The following ARFIP1 variants were observed in gnomAD, a reference collection of about 807,000 sequenced individuals.
The protein encoded by ARFIP1 is ARF interacting protein 1.
Under a neutral mutation model 42.5 loss-of-function variants are expected in ARFIP1, and 24 were observed. The ratio of observed to expected loss-of-function variants is 0.57; its 90% CI spans 0.41 to 0.80. ARFIP1 has a LOEUF of 0.80. Ranked by LOEUF, ARFIP1 falls within the 30% of genes least tolerant of loss-of-function variation. ARFIP1 has a pLI of 0.00. For synonymous variants in ARFIP1, 141 were observed against 153.7 expected, an observed-to-expected ratio of 0.92 and a Z score of 0.61; for missense variants, 354 against 434.0, an observed-to-expected ratio of 0.82 and a Z score of 1.64.
chr4:152,833,650 A>G (rs937361251), intron 2 of ARFIP1, among the ~76,000 whole-genome samples: 1 of 152,230 alleles, frequency 6.6e-6, no homozygotes, highest in African/African-American at 2.4e-5. Flanking sequence ...AAGAAAATAT[A>G]TACATACACA....
chr4:152,841,140 A>C lies in ARFIP1; in HGVS notation c.93+11414A>C, dbSNP rs138868976. 5.6e-3 allele frequency among the ~76,000 whole-genome samples: 846 copies of C among 151,416 alleles called. 6 individuals carry two copies. The highest frequency in any genetic ancestry group is 0.02 in the African/African-American group (813 of 41,248). ...AACCTCCACCTCCCGGGTTCAAGTGATTCTTCTGCCTCAGCCTCCCGAGTA... is the reference window on the plus strand; with the variant it reads ...AACCTCCACCTCCCGGGTTCAAGTGCTTCTTCTGCCTCAGCCTCCCGAGTA... On this transcript the variant is annotated intron_variant, in intron 2 of 8. Coordinates refer to ENST00000353617, the MANE Select transcript of ARFIP1 (RefSeq NM_001025595.3).
chr4:152,802,415 T>TA (rs1394787407), intron 1 of ARFIP1, among the ~76,000 whole-genome samples: 1 of 152,176 alleles, frequency 6.6e-6, no homozygotes, highest in African/African-American at 2.4e-5. Context: ...AGGAAGAAAA[T>TA]ATAACTACTT....
At chr4:152,815,675 C>T (rs921629336) in intron 1 of ARFIP1, among the ~76,000 whole-genome samples, 1 of 151,796 alleles carries the variant, frequency 6.6e-6, no homozygotes, top group Admixed American at 6.6e-5. Flanking sequence ...CCTTATCTCA[C>T]ATCTGTCTGT....
At chr4:152,838,340 T>C (rs183024548) in intron 2 of ARFIP1, among the ~76,000 whole-genome samples, 6 of 152,268 alleles carry the variant, frequency 3.9e-5, no homozygotes, top group Admixed American at 3.9e-4. Flanking sequence ...GGTGACTGCA[T>C]TGACTTTGTA....
At chr4:152,805,412 A>G (rs2149827854) in intron 1 of ARFIP1, among the ~76,000 whole-genome samples, 1 of 152,374 alleles carries the variant, frequency 6.6e-6, no homozygotes, top group East Asian at 1.9e-4. Flanking sequence ...ATGGTTGAGC[A>G]GTGGTCCAAT....
At chr4:152,848,518 G>T (rs1465234812) in intron 2 of ARFIP1, among the ~76,000 whole-genome samples, 1 of 152,118 alleles carries the variant, frequency 6.6e-6, no homozygotes, top group Non-Finnish European at 1.5e-5. Flanking sequence ...TGATTTTGTT[G>T]AGCTAAGTCG....
intron 8 of ARFIP1, among the ~76,000 whole-genome samples, chr4:152,902,406 G>A (rs1319661288): frequency 1.3e-5 from 2 of 152,138 alleles, no homozygotes; most frequent in African/African-American, 4.8e-5. Flanking sequence ...GGAGGCTGAG[G>A]TAGGAGGATC....
In ARFIP1 at chr4:152,902,217, C is replaced by T. The variant is rs556902551; in HGVS notation, c.967-7847C>T. ...ACTGTATCATGGACTTAAGACTGTA[C>T]AAGGCCAAATGTAGTGGCTCACACC... is the stretch of plus-strand genomic sequence containing the variant. On this transcript the variant is annotated intron_variant, in intron 8 of 8. Transcript: ENST00000353617. Among the ~76,000 whole-genome samples the T allele has an allele frequency of 4.6e-5, 7 of 152,240 alleles. No homozygotes were observed. The South Asian group carries it at 1.5e-3, about 32-fold the overall frequency.
intron 1 of ARFIP1, among the ~76,000 whole-genome samples, chr4:152,829,354 T>C (rs1731089664): frequency 6.6e-6 from 1 of 152,208 alleles, no homozygotes; most frequent in Admixed American, 6.5e-5. Context: ...AGTGGTGTTC[T>C]ATCATAACAC....
At chr4:152,864,990 T>A (rs1441135155) in intron 3 of ARFIP1, among the ~76,000 whole-genome samples, 1 of 151,250 alleles carries the variant, frequency 6.6e-6, no homozygotes, top group Non-Finnish European at 1.5e-5. Flanking sequence ...ATAGATTTTC[T>A]GGACAGTACT....
At chr4:152,882,207 T>C (rs1365625958) in intron 6 of ARFIP1, among the ~76,000 whole-genome samples, 2 of 152,182 alleles carry the variant, frequency 1.3e-5, no homozygotes, top group African/African-American at 4.8e-5. Context: ...TGTGCCTAAA[T>C]AGAGCTGAGC....
At position 152,872,469 on chromosome 4, in the gene ARFIP1, A is replaced by G; in HGVS notation, c.316A>G (p.Thr106Ala). 2 of 1,610,476 alleles carry G rather than the reference A, an allele frequency of 1.2e-6. No homozygotes were observed. Among genetic ancestry groups the G allele is most frequent in the South Asian group, 1.1e-5 (1 of 90,352 alleles). ...TCTTGCAGGTGGCCAGAGAACACAG[A>G]CAAAAAGTGGACCAGTTATTCTAGC... The part of the protein sequence containing the change: ...IVPAGGQRTQ[T>A]KSGPVILADE... Residue 106 changes from threonine to alanine, a missense_variant, in exon 5 of 9, where the codon ACA becomes GCA. Coordinates refer to ENST00000353617, the MANE Select transcript of ARFIP1 (RefSeq NM_001025595.3).
At chr4:152,826,951 T>C (rs920663895) in intron 1 of ARFIP1, among the ~76,000 whole-genome samples, 2 of 152,204 alleles carry the variant, frequency 1.3e-5, no homozygotes, top group Non-Finnish European at 2.9e-5. Flanking sequence ...TACTGTACAA[T>C]TCCACTTACC....
intron 8 of ARFIP1, among the ~76,000 whole-genome samples, chr4:152,907,490 A>T (rs1203491927): frequency 6.6e-6 from 1 of 152,210 alleles, no homozygotes; most frequent in Non-Finnish European, 1.5e-5. Context: ...CTTTACCCTT[A>T]CTTTATCCTC....
chr4:152,859,295 C>G (rs147515681), intron 2 of ARFIP1, among the ~76,000 whole-genome samples: 9 of 152,302 alleles, frequency 5.9e-5, no homozygotes, highest in African/African-American at 2.2e-4. Context: ...TTCCCGAGCT[C>G]AAGCGATCCT....
chr4:152,847,124 CTTTTTTTTTTTT>C (rs771661005), intron 2 of ARFIP1, among the ~76,000 whole-genome samples: 15 of 40,586 alleles, frequency 3.7e-4, no homozygotes, highest in African/African-American at 1.4e-3. Context: ...TAGGTTTGTT[CTTTTTTTTTTTT>C]TTTTTTTTTT....
chr4:152,877,758 C>T (rs569310199), intron 5 of ARFIP1, among the ~76,000 whole-genome samples: 6 of 152,140 alleles, frequency 3.9e-5, no homozygotes, highest in South Asian at 2.1e-4. Context: ...TCATGGGGGC[C>T]GGTCTTGTCT....
At chr4:152,896,335 G>C (rs1053151285) in intron 8 of ARFIP1, among the ~76,000 whole-genome samples, 5 of 152,112 alleles carry the variant, frequency 3.3e-5, no homozygotes, top group African/African-American at 9.7e-5. Flanking sequence ...TATTTCTACA[G>C]ATGAGAAAGA....
In ARFIP1 at chr4:152,869,899, C is replaced by T. The variant is rs534757420; in HGVS notation, c.203-854C>T. ...AAATTGTGTTGTTTCCTCTGGTTCT[C>T]AAACTTGGTTGTGTTTGAGAATCAT... On this transcript the variant is annotated intron_variant, in intron 3 of 8. Coordinates refer to ENST00000353617, the MANE Select transcript of ARFIP1 (RefSeq NM_001025595.3). 2.5e-4 allele frequency among the ~76,000 whole-genome samples: 38 copies of T among 152,314 alleles called. No homozygotes were observed. The South Asian group carries it at 7.5e-3, about 30-fold the overall frequency.
Sources: allele counts gnomAD v4.1 joint callset (sites outside exome capture counted in the v4.1 genomes callset), GRCh38; gene constraint gnomAD v4.1.1; transcripts MANE v1.5; gene names NCBI Gene and HGNC (gene_info 2026-07-23, HGNC 2026-07-21).